The following ZEB2 variants were observed in gnomAD, a reference collection of about 807,000 sequenced individuals.
ZEB2 encodes the protein zinc finger E-box binding homeobox 2.
ZEB2 carries 6 observed loss-of-function variants against 99.9 expected under a neutral mutation model. The ratio of observed to expected loss-of-function variants is 0.06; its 90% CI spans 0.03 to 0.12. The LOEUF (loss-of-function observed/expected upper bound fraction) is 0.12. Among genes scored for constraint, ZEB2 ranks in the 10% least tolerant of loss-of-function variants. The pLI is 1.00. For synonymous variants in ZEB2, 517 were observed against 542.5 expected (o/e 0.95, Z 0.65); for missense variants, 969 against 1,502.8 (o/e 0.64, Z 5.87).
chr2:144,412,126 G>A (rs531334455), intron 4 of ZEB2, among the ~76,000 whole-genome samples: 21 of 152,252 alleles, frequency 1.4e-4, no homozygotes, highest in East Asian at 7.8e-4. Flanking sequence ...AAAATTAGCC[G>A]GGTGTGGTGG....
Position 144,389,534 on chromosome 2 carries a change from G to C in ZEB2, c.3562C>G (p.His1188Asp). 6.2e-7 allele frequency: 1 copy of C among 1,613,982 alleles called. No homozygotes were observed. The highest frequency in any genetic ancestry group is 2.2e-5 in the East Asian group (1 of 44,882). ...TCCTCCGAACTATCGTCCATGGAGT[G>C]ATCTCCAGTCTCTTCTTCATCTCGT... ...TIRDEEETGD[H>D]SMDDSSEDGK... Residue 1188 changes from histidine to aspartate, a missense_variant, in exon 10 of 10, where the codon CAC (histidine) becomes GAC (aspartate). His to Asp is a moderately conservative substitution (Grantham distance 81, BLOSUM62 -1). Coordinates refer to ENST00000627532, the MANE Select transcript of ZEB2 (RefSeq NM_014795.4). The surrounding 1 kb of genome is among the most constrained non-coding windows in gnomAD (Gnocchi z 6.8).
rs1703273446 is a variant in ZEB2, at chr2:144,399,223, T to C, written c.1964A>G (p.His655Arg). ...ATAGTATGCTTTGAGTACAGACATG[T>C]GGTCCTTGTATGGGTTGATGGGGCT... Reference protein sequence around the residue: ...MTSPINPYKDHMSVLKAYYAM... With the variant: ...MTSPINPYKDRMSVLKAYYAM... The change falls in exon 8 of 10, where the codon CAC becomes CGC. Residue 655 changes from histidine (H) to arginine (R), a missense_variant. His to Arg is a conservative substitution (Grantham distance 29). Transcript: ENST00000627532. The surrounding 1 kb of genome is among the most constrained non-coding windows in gnomAD (Gnocchi z 5.6). 1.2e-6 allele frequency: 2 copies of C among 1,614,068 alleles called. No individual in the cohort carries two copies. The highest frequency in any genetic ancestry group is 1.7e-5 in the Admixed American group (1 of 60,008).
At chr2:144,467,616 A>T (rs1704290870) in intron 2 of ZEB2, among the ~76,000 whole-genome samples, 1 of 152,202 alleles carries the variant, frequency 6.6e-6, no homozygotes, top group South Asian at 2.1e-4. Context: ...TTATTGACAC[A>T]CTCTCCTTCA....
At chr2:144,514,052 G>A in intron 2 of ZEB2, 1 of 636,258 alleles carries the variant, frequency 1.6e-6, no homozygotes, top group Non-Finnish European at 2.4e-6. Context: ...TCCATGTGGG[G>A]GAAAGGAGAC....
chr2:144,502,236 A>G (rs573008976), intron 2 of ZEB2, among the ~76,000 whole-genome samples: 46 of 152,222 alleles, frequency 3.0e-4, no homozygotes, highest in Non-Finnish European at 5.9e-4. Context: ...ACAGCTCTCA[A>G]GAAAGATGCT....
At chr2:144,485,568 C>T (rs992506027) in intron 2 of ZEB2, among the ~76,000 whole-genome samples, 4 of 152,132 alleles carry the variant, frequency 2.6e-5, no homozygotes, top group Admixed American at 1.3e-4. Flanking sequence ...AACTGTTTCA[C>T]GAAGCCATAA....
At chr2:144,400,679 T>C (rs1419942404) in intron 7 of ZEB2, among the ~76,000 whole-genome samples, 1 of 152,220 alleles carries the variant, frequency 6.6e-6, no homozygotes, top group African/African-American at 2.4e-5. Flanking sequence ...ACTAGTCCTT[T>C]GAATAGCATC....
At chr2:144,512,938 A>G (rs1705065705) in intron 2 of ZEB2, 2 of 1,287,248 alleles carry the variant, frequency 1.6e-6, no homozygotes, top group Non-Finnish European at 2.0e-6. Context: ...CAGGCTCCCT[A>G]GAAGCTCATC....
chr2:144,463,983 C>T (rs1169727949), intron 2 of ZEB2: 5 of 152,114 alleles, frequency 3.3e-5, no homozygotes, highest in East Asian at 1.9e-4. Flanking sequence ...GATACTGAGG[C>T]TCAGGGAAGG....
Position 144,474,766 on chromosome 2 carries a change from G to A in ZEB2, c.73+42512C>T, listed in dbSNP as rs143590408. ...CCATGACCATTCATTCATTACCCTC[G>A]TTATTATTTGATGTTTAAGATTTCT... On this transcript the variant is annotated intron_variant, in intron 2 of 9. Transcript: ENST00000627532. Among the ~76,000 whole-genome samples the A allele has an allele frequency of 8.8e-3, 1,339 of 152,014 alleles. 21 individuals carry two copies. Among genetic ancestry groups the A allele is most frequent in the African/African-American group, 0.031 (1,280 of 41,448 alleles).
chr2:144,440,404 A>T (rs1436458246), intron 2 of ZEB2, among the ~76,000 whole-genome samples: 1 of 151,440 alleles, frequency 6.6e-6, no homozygotes, highest in Non-Finnish European at 1.5e-5. Context: ...TGCTCTATAC[A>T]TTTACATTAT....
chr2:144,507,150 A>G (rs1042705153), intron 2 of ZEB2, among the ~76,000 whole-genome samples: 9 of 152,224 alleles, frequency 5.9e-5, no homozygotes, highest in South Asian at 4.1e-4. Context: ...CAGGATTTAA[A>G]ATTTTAACTT....
intron 4 of ZEB2, among the ~76,000 whole-genome samples, chr2:144,405,810 A>T (rs1201292897): frequency 6.6e-6 from 1 of 152,266 alleles, no homozygotes; most frequent in Non-Finnish European, 1.5e-5. Flanking sequence ...TATTCCTGTG[A>T]AATGAATAAC....
intron 2 of ZEB2, among the ~76,000 whole-genome samples, chr2:144,464,866 G>A (rs535037304): frequency 2.3e-4 from 35 of 152,218 alleles, no homozygotes; most frequent in African/African-American, 6.3e-4. Context: ...ACATGACATC[G>A]AAGTGGCCAT....
intron 2 of ZEB2, among the ~76,000 whole-genome samples, chr2:144,483,157 C>T (rs1704542037): frequency 6.7e-6 from 1 of 149,092 alleles, no homozygotes; most frequent in Non-Finnish European, 1.5e-5. Flanking sequence ...CACACACACA[C>T]ACACACATAC....
chr2:144,508,649 G>A (rs1254828834), intron 2 of ZEB2, among the ~76,000 whole-genome samples: 1 of 151,668 alleles, frequency 6.6e-6, no homozygotes, highest in Admixed American at 6.6e-5. Context: ...TCTCAAGTTG[G>A]TAACGGCCAG....
At chr2:144,467,969 G>A (rs1216383714) in intron 2 of ZEB2, among the ~76,000 whole-genome samples, 1 of 152,142 alleles carries the variant, frequency 6.6e-6, no homozygotes, top group African/African-American at 2.4e-5. Context: ...TAACTAATGG[G>A]GTTAGGGAGA....
chr2:144,410,344 T>C (rs1703443344), intron 4 of ZEB2, among the ~76,000 whole-genome samples: 1 of 152,234 alleles, frequency 6.6e-6, no homozygotes, highest in Non-Finnish European at 1.5e-5. Flanking sequence ...TGGCCACTCT[T>C]ACTAATGTTG....
intron 2 of ZEB2, among the ~76,000 whole-genome samples, chr2:144,483,117 G>GACAC (rs70985858): frequency 0.068 from 8,883 of 130,630 alleles, 434 homozygotes; most frequent in African/African-American, 0.13. Context: ...GTTTAGGTAA[G>GACAC]ACACACACAC....
Sources: gnomAD v4.1 joint callset for allele counts (sites outside exome capture counted in the v4.1 genomes callset) on GRCh38, gnomAD v4.1.1 for gene constraint, Gnocchi (gnomAD v3.1) non-coding constraint, MANE v1.5 for transcripts, NCBI Gene and HGNC (gene_info 2026-07-23, HGNC 2026-07-21) for gene names.